The following COL25A1 variants were observed in gnomAD, a reference collection of about 807,000 sequenced individuals.
COL25A1 encodes the protein collagen alpha-1(XXV) chain.
In COL25A1, 103 loss-of-function variants were observed where a neutral mutation model predicts 128.4. The ratio of observed to expected loss-of-function variants is 0.80; its 90% CI spans 0.68 to 0.94. The LOEUF (loss-of-function observed/expected upper bound fraction) is 0.94, where lower values mean the gene tolerates loss of function less well. Ranked by LOEUF, COL25A1 falls within the 40% of genes least tolerant of loss-of-function variation. COL25A1 has a pLI of 0.00. For missense variants in COL25A1, 745 were observed against 840.0 expected (o/e 0.89, Z 1.40); for synonymous variants, 279 against 277.2 (o/e 1.01, Z -0.06).
At chr4:109,200,087 C>A (rs1045479210) in intron 3 of COL25A1, among the ~76,000 whole-genome samples, 3 of 152,194 alleles carry the variant, frequency 2.0e-5, no homozygotes, top group African/African-American at 7.2e-5. Flanking sequence ...CATCAAGTAA[C>A]CAATCACACA....
At chr4:109,180,068 TAC>T (rs1491103389) in intron 3 of COL25A1, among the ~76,000 whole-genome samples, 1 of 152,210 alleles carries the variant, frequency 6.6e-6, no homozygotes, top group Non-Finnish European at 1.5e-5. Flanking sequence ...AAAATGGAAA[TAC>T]GTCTGGTTAG....
intron 6 of COL25A1, among the ~76,000 whole-genome samples, chr4:109,004,935 T>C (rs1348380021): frequency 1.4e-5 from 1 of 72,598 alleles, no homozygotes; most frequent in African/African-American, 5.8e-5. Flanking sequence ...ATGTAAACAT[T>C]TGCACGGGAA....
chr4:109,050,802 C>T (rs1760909906), intron 3 of COL25A1, among the ~76,000 whole-genome samples: 1 of 151,816 alleles, frequency 6.6e-6, no homozygotes, highest in African/African-American at 2.4e-5. Context: ...GATTTTTCTA[C>T]AAGGGCAAGT....
At chr4:108,847,358 C>CT (rs908904822) in intron 27 of COL25A1, among the ~76,000 whole-genome samples, 12 of 151,970 alleles carry the variant, frequency 7.9e-5, no homozygotes, top group Admixed American at 1.3e-4. Flanking sequence ...ACCTGTTTAT[C>CT]TTTTTTTTAT....
intron 26 of COL25A1, 102 bp downstream of exon 26, chr4:108,852,128 CTCAGCT>C: frequency 3.5e-6 from 3 of 859,012 alleles, no homozygotes; most frequent in Non-Finnish European, 5.6e-6. Flanking sequence ...TACTGTTGAT[CTCAGCT>C]TCTTCAGCAT....
rs1732540530 is a variant in COL25A1, at chr4:108,827,585, G to A, written c.1711-397C>T. 3.3e-5 allele frequency among the ~76,000 whole-genome samples: 5 copies of A among 152,124 alleles called. No homozygotes were observed. In the South Asian group the frequency reaches 1.0e-3, roughly 32 times the overall value. The stretch of plus-strand genomic sequence containing the variant: ...TCTTTCATCCAGGCTGGAGTGCAGT[G>A]GCATGATCATGGCTCACTGAAACCT... On this transcript the variant is annotated intron_variant, in intron 32 of 37. Transcript: ENST00000399132.
Position 108,813,104 on chromosome 4 carries a change from G to C in COL25A1, c.*823C>G, listed in dbSNP as rs975454369. The C allele has an allele frequency of 3.3e-5, 5 of 152,170 alleles. No homozygotes were observed. The highest frequency in any genetic ancestry group is 7.3e-5 in the Non-Finnish European group (5 of 68,052). The allele number at this position is 152,170 out of a possible 1,614,324, so 9.4% of individuals were successfully genotyped here. A position where few individuals can be genotyped will look rare whatever the true frequency, so the allele number is the denominator to read the frequency against. ...GAGAGGCAGTGCTGGAGGCTGAATCGGTCCTCTTCCCATGTCTTCACTGCC... is the reference window on the plus strand; with the variant it reads ...GAGAGGCAGTGCTGGAGGCTGAATCCGTCCTCTTCCCATGTCTTCACTGCC... On this transcript the variant is annotated 3_prime_UTR_variant, in exon 38 of 38. Coordinates refer to ENST00000399132, the MANE Select transcript of COL25A1 (RefSeq NM_198721.4).
intron 5 of COL25A1, among the ~76,000 whole-genome samples, chr4:109,038,404 G>A (rs999358487): frequency 2.0e-5 from 3 of 152,064 alleles, no homozygotes; most frequent in African/African-American, 4.8e-5. Context: ...TACAGATTTC[G>A]GACTTACCAG....
chr4:109,142,024 G>A (rs7695119), intron 3 of COL25A1, among the ~76,000 whole-genome samples: 75,898 of 152,002 alleles, frequency 0.5, 21,719 homozygotes, highest in Non-Finnish European at 0.65. Context: ...ATGTCAGGGT[G>A]TCGATTTTAG....
chr4:109,274,706 A>G (rs1782421409), intron 3 of COL25A1, among the ~76,000 whole-genome samples: 1 of 152,236 alleles, frequency 6.6e-6, no homozygotes, highest in Admixed American at 6.5e-5. Flanking sequence ...CCCTGAAAAT[A>G]TTAATTGGAA....
chr4:109,241,673 C>G (rs1319696671), intron 3 of COL25A1, among the ~76,000 whole-genome samples: 9 of 151,556 alleles, frequency 5.9e-5, no homozygotes, highest in Admixed American at 5.9e-4. Context: ...CAGGTGGACA[C>G]CACCAGTTTT....
At chr4:109,078,561 G>A (rs1763574248) in intron 3 of COL25A1, among the ~76,000 whole-genome samples, 1 of 152,010 alleles carries the variant, frequency 6.6e-6, no homozygotes, top group Admixed American at 6.6e-5. Flanking sequence ...GCTCTTTCTG[G>A]CATCAGATTA....
chr4:109,084,002 G>A (rs1764128039), intron 3 of COL25A1, among the ~76,000 whole-genome samples: 1 of 152,086 alleles, frequency 6.6e-6, no homozygotes, highest in Admixed American at 6.5e-5. Flanking sequence ...ATTTTGTTTT[G>A]TTTTAAGAAA....
intron 3 of COL25A1, among the ~76,000 whole-genome samples, chr4:109,138,342 T>C (rs1770016189): frequency 6.6e-6 from 1 of 152,196 alleles, no homozygotes; most frequent in South Asian, 2.1e-4. Flanking sequence ...CTGCATAGTA[T>C]TCCATGGCGT....
chr4:109,072,840 T>A (rs1187412339), intron 3 of COL25A1, among the ~76,000 whole-genome samples: 1 of 152,144 alleles, frequency 6.6e-6, no homozygotes, highest in Non-Finnish European at 1.5e-5. Context: ...TTAAATCAGT[T>A]GCATAACTCT....
chr4:108,869,771 T>C (rs1420532013), intron 19 of COL25A1, among the ~76,000 whole-genome samples: 1 of 152,128 alleles, frequency 6.6e-6, no homozygotes, highest in Admixed American at 6.5e-5. Context: ...TATAAGAAAA[T>C]TTTAAAGCAA....
At chr4:108,881,306 G>T (rs1271687764) in intron 19 of COL25A1, among the ~76,000 whole-genome samples, 1 of 152,156 alleles carries the variant, frequency 6.6e-6, no homozygotes, top group African/African-American at 2.4e-5. Flanking sequence ...AAGGCATGTG[G>T]ATGCTCATTA....
chr4:108,999,625 C>A (rs1318204513), intron 6 of COL25A1, among the ~76,000 whole-genome samples: 1 of 152,134 alleles, frequency 6.6e-6, no homozygotes, highest in African/African-American at 2.4e-5. Flanking sequence ...GGTATATACC[C>A]AAAGGATTAT....
chr4:109,292,076 T>A (rs1247638025), intron 3 of COL25A1, among the ~76,000 whole-genome samples: 1 of 152,062 alleles, frequency 6.6e-6, no homozygotes, highest in East Asian at 1.9e-4. Flanking sequence ...TTGCATTAAT[T>A]TTCTAATAGT....
Sources: gnomAD v4.1 joint callset for allele counts (sites outside exome capture counted in the v4.1 genomes callset) on GRCh38, gnomAD v4.1.1 for gene constraint, MANE v1.5 for transcripts, NCBI Gene and HGNC (gene_info 2026-07-23, HGNC 2026-07-21) for gene names.